Variants in HLCS observed in about 807,000 individuals in gnomAD.
HLCS encodes biotin--protein ligase.
HLCS carries 53 observed loss-of-function variants against 75.0 expected under a neutral mutation model. The observed-to-expected ratio is 0.71, with a 90% CI of 0.57 to 0.89. The LOEUF (loss-of-function observed/expected upper bound fraction) is 0.89. Ranked by LOEUF, HLCS falls within the 40% of genes least tolerant of loss-of-function variation. HLCS has a pLI of 0.00. For synonymous variants in HLCS, 431 were observed against 428.6 expected, an observed-to-expected ratio of 1.01 and a Z score of -0.07; for missense variants, 966 against 1,074.0, an observed-to-expected ratio of 0.90 and a Z score of 1.41.
intron 6 of HLCS, among the ~76,000 whole-genome samples, chr21:36,851,186 C>T (rs1471175137): frequency 6.6e-6 from 1 of 152,092 alleles, no homozygotes; most frequent in African/African-American, 2.4e-5. Context: ...AGGCATATAC[C>T]CAAAAGAATG....
chr21:36,777,263 C>A (rs1183939307), intron 6 of HLCS, among the ~76,000 whole-genome samples: 1 of 147,600 alleles, frequency 6.8e-6, no homozygotes, highest in African/African-American at 2.7e-5. Context: ...CCTTCCCCTC[C>A]CCGAACCCTT....
intron 2 of HLCS, among the ~76,000 whole-genome samples, chr21:36,947,126 C>T (rs1335307215): frequency 6.6e-6 from 1 of 152,150 alleles, no homozygotes; most frequent in Non-Finnish European, 1.5e-5. Context: ...AGACTCAACC[C>T]GGAATTTAGC....
chr21:36,812,342 ACACAG>A (rs2061537406), intron 6 of HLCS, among the ~76,000 whole-genome samples: 2 of 152,174 alleles, frequency 1.3e-5, no homozygotes, highest in Non-Finnish European at 2.9e-5. Context: ...TTTTTCTAAC[ACACAG>A]AGTATGTTAG....
chr21:36,816,820 T>C (rs1439439971), intron 6 of HLCS, among the ~76,000 whole-genome samples: 1 of 152,236 alleles, frequency 6.6e-6, no homozygotes, highest in Non-Finnish European at 1.5e-5. Flanking sequence ...TCCCTGCTTC[T>C]TGCCTTACAT....
chr21:36,876,631 A>C (rs1273941325), intron 6 of HLCS, among the ~76,000 whole-genome samples: 2 of 152,148 alleles, frequency 1.3e-5, no homozygotes, highest in Non-Finnish European at 2.9e-5. Context: ...CTGTGATTTC[A>C]ATCACTTTAG....
chr21:36,785,171 C>T (rs940170819), intron 6 of HLCS, among the ~76,000 whole-genome samples: 4 of 152,114 alleles, frequency 2.6e-5, no homozygotes, highest in African/African-American at 7.2e-5. Context: ...TTCCCTCTCT[C>T]GGCTCCCACC....
chr21:36,986,034 C>T (rs1475230914), intron 1 of HLCS, among the ~76,000 whole-genome samples: 1 of 152,080 alleles, frequency 6.6e-6, no homozygotes. Context: ...TGAATGTATT[C>T]CCCAAGTGCA....
chr21:36,873,220 C>T (rs1307758600), intron 6 of HLCS, among the ~76,000 whole-genome samples: 1 of 152,016 alleles, frequency 6.6e-6, no homozygotes, highest in Non-Finnish European at 1.5e-5. Context: ...CGGGTTGAAG[C>T]GATTCTCCTG....
chr21:36,962,357 G>C (rs771820681), intron 1 of HLCS, among the ~76,000 whole-genome samples, 187 bp from the exon 2 acceptor site: 6 of 152,148 alleles, frequency 3.9e-5, no homozygotes, highest in Admixed American at 1.3e-4. Context: ...TTAAGCACCT[G>C]CAAAAGCCCA....
chr21:36,763,603 C>G (rs566232119), intron 8 of HLCS, among the ~76,000 whole-genome samples: 1 of 152,288 alleles, frequency 6.6e-6, no homozygotes, highest in South Asian at 2.1e-4. Flanking sequence ...ATGACAGGAC[C>G]TCCAAGTCTC....
intron 6 of HLCS, among the ~76,000 whole-genome samples, chr21:36,777,010 C>A (rs1306214100): frequency 6.6e-6 from 1 of 152,076 alleles, no homozygotes; most frequent in Non-Finnish European, 1.5e-5. Flanking sequence ...TGTCCCCTTC[C>A]CCAACAGTTT....
chr21:36,799,134 T>G (rs1044651885), intron 6 of HLCS, among the ~76,000 whole-genome samples: 3 of 152,242 alleles, frequency 2.0e-5, no homozygotes, highest in Non-Finnish European at 4.4e-5. Context: ...TCTGAGAAGC[T>G]TAACAGTTTT....
At position 36,759,736 on chromosome 21, in the gene HLCS, T is replaced by C; in HGVS notation, c.2227A>G (p.Ile743Val). ...NSTLMGETFY[I>V]LIGCGFNVTN... ...GGTTTTTGAAACTTACCAATAAGTA[T>C]ATAAAATGTTTCTCCCATGAGTGTT... Residue 743 changes from isoleucine to valine, a missense_variant, in exon 9 of 11, where the codon ATA becomes GTA. Coordinates refer to ENST00000674895, the MANE Select transcript of HLCS (RefSeq NM_001352514.2). 6.3e-7 allele frequency: 1 copy of C among 1,576,230 alleles called. No homozygotes were observed. Among genetic ancestry groups the C allele is most frequent in the Non-Finnish European group, 8.7e-7 (1 of 1,145,346 alleles).
Position 36,936,460 on chromosome 21 carries a change from C to A in HLCS, c.1426G>T (p.Val476Phe). Residue 476 changes from valine to phenylalanine, a missense_variant, in exon 4 of 11, where the codon GTT becomes TTT. Coordinates refer to ENST00000674895, the MANE Select transcript of HLCS (RefSeq NM_001352514.2). ...GCTGCCCTGAGTACCTGGCAAAGAACAGCTTCTCCCCCGCGAGTTCCAAAA... is the reference window on the plus strand; with the variant it reads ...GCTGCCCTGAGTACCTGGCAAAGAAAAGCTTCTCCCCCGCGAGTTCCAAAA... Reference protein sequence around the residue: ...VPFGTRGGEAVLCQVHLELPP... With the variant: ...VPFGTRGGEAFLCQVHLELPP... The A allele has an allele frequency of 6.2e-7, 1 of 1,614,002 alleles. No individual in the cohort carries two copies. The highest frequency in any genetic ancestry group is 8.5e-7 in the Non-Finnish European group (1 of 1,179,836).
chr21:36,942,441 C>A (rs962092465), intron 2 of HLCS, among the ~76,000 whole-genome samples: 3 of 145,064 alleles, frequency 2.1e-5, no homozygotes, highest in Non-Finnish European at 4.5e-5. Flanking sequence ...TGAGGATAAA[C>A]CTCTTCCTCA....
chr21:36,979,284 A>G (rs960800006), intron 1 of HLCS, among the ~76,000 whole-genome samples: 1 of 144,560 alleles, frequency 6.9e-6, no homozygotes, highest in African/African-American at 2.8e-5. Flanking sequence ...AAAAAAAAAA[A>G]AAAAGAAAGA....
At chr21:36,969,514 C>G (rs2068726880), upstream of HLCS, 1 of 151,978 alleles carries the variant, frequency 6.6e-6, no homozygotes, top group African/African-American at 2.4e-5. Flanking sequence ...TTCCCTGGGT[C>G]TGGGCTACTC....
intron 4 of HLCS, among the ~76,000 whole-genome samples, chr21:36,933,410 G>T (rs866838271): frequency 1.3e-5 from 2 of 151,838 alleles, no homozygotes; most frequent in Admixed American, 6.6e-5. Context: ...AATTAGCCGG[G>T]CCTGATAGCG....
rs73398122 is a variant in HLCS at position 36,753,987 on chromosome 21, A to G, written c.*259T>C. The G allele has an allele frequency of 0.023, 12,810 of 553,118 alleles. 1,238 individuals carry two copies. The highest frequency in any genetic ancestry group is 0.21 in the African/African-American group (11,166 of 52,966). The allele number at this position is 553,118 out of a possible 1,614,324, so 34.3% of individuals were successfully genotyped here. A position where few individuals can be genotyped will look rare whatever the true frequency, so the allele number is the denominator to read the frequency against. On this transcript the variant is annotated 3_prime_UTR_variant, in exon 11 of 11. Transcript: ENST00000674895. The surrounding 1 kb of genome is among the most constrained non-coding windows in gnomAD (Gnocchi z 4.3). ...TTGACAATAAACGTAAGTCCAAGCC[A>G]CAGAGGGGAGAGCAATTTCCCACCT...
Sources: allele counts gnomAD v4.1 joint callset (sites outside exome capture counted in the v4.1 genomes callset), GRCh38; gene constraint gnomAD v4.1.1; non-coding constraint Gnocchi (gnomAD v3.1); transcripts MANE v1.5; gene names NCBI Gene and HGNC (gene_info 2026-07-23, HGNC 2026-07-21).